Variants in SMAP1 observed in about 807,000 individuals in gnomAD.
The protein encoded by SMAP1 is small ArfGAP 1, also known as stromal membrane-associated protein 1.
SMAP1 carries 24 observed loss-of-function variants against 58.5 expected under a neutral mutation model. The observed-to-expected ratio is 0.41, with a 90% CI of 0.30 to 0.58. The LOEUF (loss-of-function observed/expected upper bound fraction) is 0.58. SMAP1 is among the 20% of genes least tolerant of loss of function. SMAP1 has a pLI of 0.29. For synonymous variants in SMAP1, 216 were observed against 196.6 expected (o/e 1.10, Z -0.82); for missense variants, 563 against 566.3 (o/e 0.99, Z 0.06).
chr6:70,842,203 T>C (rs1007305559), intron 7 of SMAP1, among the ~76,000 whole-genome samples: 1 of 152,232 alleles, frequency 6.6e-6, no homozygotes, highest in African/African-American at 2.4e-5. Flanking sequence ...TTTTCAGAGA[T>C]GGTTTAAAAC....
At chr6:70,677,120 C>T (rs2128549845) in intron 1 of SMAP1, among the ~76,000 whole-genome samples, 1 of 151,528 alleles carries the variant, frequency 6.6e-6, no homozygotes, top group East Asian at 1.9e-4. Flanking sequence ...TTACTGAGTC[C>T]ACAGATAAGT....
At chr6:70,747,002 T>A (rs1421357931) in intron 2 of SMAP1, among the ~76,000 whole-genome samples, 2 of 152,330 alleles carry the variant, frequency 1.3e-5, no homozygotes, top group East Asian at 3.9e-4. Context: ...GTATCAGTCA[T>A]CTAGAAACAT....
At chr6:70,859,387 T>C (rs576516) in intron 10 of SMAP1, 727,671 of 1,545,380 alleles carry the variant, frequency 0.47, 173,321 homozygotes, top group Admixed American at 0.55. Flanking sequence ...TACTGGCCAA[T>C]GACAAGGTGG....
chr6:70,833,586 A>T (rs909395195), intron 6 of SMAP1, among the ~76,000 whole-genome samples: 4 of 152,300 alleles, frequency 2.6e-5, no homozygotes, highest in African/African-American at 9.6e-5. Flanking sequence ...CTCATTCATA[A>T]TCTGACCATT....
chr6:70,758,755 A>T (rs866986332), intron 3 of SMAP1, among the ~76,000 whole-genome samples: 1 of 152,078 alleles, frequency 6.6e-6, no homozygotes, highest in African/African-American at 2.4e-5. Flanking sequence ...ACAAGTTGGG[A>T]AAGCTACATT....
chr6:70,771,105 T>C (rs1767278814), intron 3 of SMAP1, among the ~76,000 whole-genome samples: 1 of 152,174 alleles, frequency 6.6e-6, no homozygotes, highest in African/African-American at 2.4e-5. Flanking sequence ...ATCGTTCCTC[T>C]GGAAGTTTTG....
chr6:70,740,962 TACTC>T (rs753648359), intron 2 of SMAP1, among the ~76,000 whole-genome samples: 5 of 152,160 alleles, frequency 3.3e-5, no homozygotes, highest in Admixed American at 6.6e-5. Flanking sequence ...TCATGAGACT[TACTC>T]ACTACCAAGA....
At chr6:70,812,379 A>G (rs1769429355) in intron 6 of SMAP1, among the ~76,000 whole-genome samples, 1 of 152,228 alleles carries the variant, frequency 6.6e-6, no homozygotes. Flanking sequence ...GATTAGAATT[A>G]TCTGCATTTT....
intron 1 of SMAP1, among the ~76,000 whole-genome samples, chr6:70,724,905 GTGTATT>G (rs1768698659): frequency 6.6e-6 from 1 of 151,824 alleles, no homozygotes; most frequent in Non-Finnish European, 1.5e-5. Flanking sequence ...ATTCTATTGA[GTGTATT>G]TGCTAGGAGA....
In SMAP1 at chr6:70,702,615, C is replaced by T. The variant is rs185951099; in HGVS notation, c.119-29763C>T. 3.3e-5 allele frequency among the ~76,000 whole-genome samples: 5 copies of T among 151,774 alleles called. No individual in the cohort carries two copies. In the East Asian group the frequency reaches 9.7e-4, roughly 29 times the overall value. ...CATGCCTCTTCTTCACATGTTCAGCCTTTCTTTCTTCTTCTTCTTCTTCTT... is the reference window on the plus strand; with the variant it reads ...CATGCCTCTTCTTCACATGTTCAGCTTTTCTTTCTTCTTCTTCTTCTTCTT... On this transcript the variant is annotated intron_variant, in intron 1 of 10. Coordinates refer to ENST00000370455, the MANE Select transcript of SMAP1 (RefSeq NM_001044305.3).
intron 1 of SMAP1, among the ~76,000 whole-genome samples, chr6:70,702,398 G>GGT (rs1562101896): frequency 1.3e-5 from 2 of 150,480 alleles, no homozygotes; most frequent in African/African-American, 2.5e-5. Flanking sequence ...TTGGGGAGGG[G>GGT]GTCTGTTTAT....
At chr6:70,737,421 A>G (rs539461948) in intron 2 of SMAP1, among the ~76,000 whole-genome samples, 49 of 152,280 alleles carry the variant, frequency 3.2e-4, no homozygotes, top group African/African-American at 1.2e-3. Context: ...TGCTGGAATT[A>G]CTGGCATGAA....
rs569885969 is a variant in SMAP1 at position 70,668,209 on chromosome 6, G to A, written c.118+68G>A. ...GACCGGTGACCTTCCCGCCGCTGCGGCGCTCGGGGCCCGAGCGGACGCCTC... is the reference window on the plus strand; with the variant it reads ...GACCGGTGACCTTCCCGCCGCTGCGACGCTCGGGGCCCGAGCGGACGCCTC... On this transcript the variant is annotated intron_variant, in intron 1 of 10. Transcript: ENST00000370455. The A allele has an allele frequency of 1.4e-4, 196 of 1,403,080 alleles. 1 individual carries two copies. In the Admixed American group the frequency reaches 2.8e-3, roughly 20 times the overall value. The allele number at this position is 1,403,080 out of a possible 1,614,324, so 86.9% of individuals were successfully genotyped here. A position where few individuals can be genotyped will look rare whatever the true frequency, so the allele number is the denominator to read the frequency against.
chr6:70,801,828 T>C (rs1768868928), intron 6 of SMAP1, among the ~76,000 whole-genome samples: 1 of 152,202 alleles, frequency 6.6e-6, no homozygotes, highest in Admixed American at 6.5e-5. Flanking sequence ...TGGTTGTAGA[T>C]GTGTGGTGTT....
At chr6:70,760,394 T>G (rs1032979388) in intron 3 of SMAP1, among the ~76,000 whole-genome samples, 5 of 152,140 alleles carry the variant, frequency 3.3e-5, no homozygotes, top group African/African-American at 9.6e-5. Context: ...AGAGGGTCTT[T>G]GTCTAACATG....
chr6:70,857,818 G>A lies in SMAP1; in HGVS notation c.962-104G>A, dbSNP rs1771496835. On this transcript the variant is annotated intron_variant, in intron 9 of 10. Coordinates refer to ENST00000370455, the MANE Select transcript of SMAP1 (RefSeq NM_001044305.3). ...GGAGCAGCCAAACTGGAATTAAAAT[G>A]TTTGCTGTGAGTAGTTCAGAAAGGC... 5.5e-6 allele frequency: 7 copies of A among 1,271,126 alleles called. No individual in the cohort carries two copies. In the South Asian group the frequency reaches 1.0e-4, roughly 18 times the overall value. 78.7% of individuals were successfully genotyped at this position (1,271,126 alleles called of 1,614,324 possible).
At chr6:70,771,764 G>A (rs1767327410) in intron 3 of SMAP1, among the ~76,000 whole-genome samples, 2 of 152,118 alleles carry the variant, frequency 1.3e-5, no homozygotes, top group Non-Finnish European at 2.9e-5. Context: ...CCACTGTCCT[G>A]TGCCCACTGT....
At chr6:70,775,769 G>C (rs1562152100) in intron 4 of SMAP1, among the ~76,000 whole-genome samples, 1 of 151,986 alleles carries the variant, frequency 6.6e-6, no homozygotes, top group Non-Finnish European at 1.5e-5. Flanking sequence ...TAAAAATGCA[G>C]AAAGATTTAC....
chr6:70,783,797 C>G (rs951932889), intron 4 of SMAP1, among the ~76,000 whole-genome samples: 19 of 152,236 alleles, frequency 1.2e-4, no homozygotes, highest in African/African-American at 4.3e-4. Flanking sequence ...AAATATGGGA[C>G]TATGTGAAAA....
Sources: allele counts gnomAD v4.1 joint callset (sites outside exome capture counted in the v4.1 genomes callset), GRCh38; gene constraint gnomAD v4.1.1; transcripts MANE v1.5; gene names NCBI Gene and HGNC (gene_info 2026-07-23, HGNC 2026-07-21).